The following MARCHF1 variants were observed in gnomAD, a reference collection of about 807,000 sequenced individuals.
The protein encoded by MARCHF1 is membrane associated ring-CH-type finger 1, also known as E3 ubiquitin-protein ligase MARCHF1.
MARCHF1 carries 40 observed loss-of-function variants against 54.2 expected under a neutral mutation model. That is an observed-to-expected ratio of 0.74 (90% CI 0.57 to 0.96). The LOEUF is 0.96. Among genes scored for constraint, MARCHF1 ranks in the 40% least tolerant of loss-of-function variants. The pLI is 0.00. For missense variants in MARCHF1, 586 were observed against 656.5 expected (o/e 0.89, Z 1.17); for synonymous variants, 236 against 236.3 (o/e 1.00, Z 0.01).
At chr4:163,858,419 T>C (rs536545148) in intron 3 of MARCHF1, among the ~76,000 whole-genome samples, 1 of 152,270 alleles carries the variant, frequency 6.6e-6, no homozygotes, top group South Asian at 2.1e-4. Flanking sequence ...TGTGCAGTTA[T>C]GATTAAGCTG....
chr4:163,611,338 C>T (rs1289998266), intron 7 of MARCHF1, among the ~76,000 whole-genome samples: 1 of 152,002 alleles, frequency 6.6e-6, no homozygotes, highest in Non-Finnish European at 1.5e-5. Flanking sequence ...CACTGCTGCC[C>T]TCAATGGACA....
chr4:163,623,812 G>T (rs774209073), intron 5 of MARCHF1, among the ~76,000 whole-genome samples: 2 of 151,844 alleles, frequency 1.3e-5, no homozygotes, highest in African/African-American at 2.4e-5. Flanking sequence ...TTATAATCCC[G>T]GGGTGACTTC....
intron 7 of MARCHF1, among the ~76,000 whole-genome samples, chr4:163,607,224 T>C (rs1220668583): frequency 2.0e-5 from 3 of 151,990 alleles, no homozygotes; most frequent in Non-Finnish European, 4.4e-5. Flanking sequence ...TTTTATCCCA[T>C]TAGAAAAGTA....
At chr4:164,187,912 G>A (rs1430975) in intron 1 of MARCHF1, among the ~76,000 whole-genome samples, 114,758 of 151,954 alleles carry the variant, frequency 0.76, 43,951 homozygotes, top group Non-Finnish European at 0.83. Context: ...ATCTCAAATT[G>A]GAAAATCTAG....
At chr4:164,219,819 G>A (rs1732040072) in intron 1 of MARCHF1, among the ~76,000 whole-genome samples, 2 of 151,800 alleles carry the variant, frequency 1.3e-5, no homozygotes, top group African/African-American at 4.8e-5. Flanking sequence ...TGCTACACTA[G>A]GACATTATTT....
intron 1 of MARCHF1, among the ~76,000 whole-genome samples, chr4:164,260,705 T>C (rs1015288329): frequency 6.6e-6 from 1 of 152,222 alleles, no homozygotes; most frequent in Non-Finnish European, 1.5e-5. Flanking sequence ...ACCAACTTCA[T>C]TAGACCTACA....
At chr4:164,083,832 A>C (rs561656390) in intron 2 of MARCHF1, among the ~76,000 whole-genome samples, 1 of 152,222 alleles carries the variant, frequency 6.6e-6, no homozygotes, top group East Asian at 1.9e-4. Context: ...CCAACACTAC[A>C]ATATTATACC....
chr4:164,047,650 T>C (rs1754270192), intron 2 of MARCHF1, among the ~76,000 whole-genome samples: 1 of 152,196 alleles, frequency 6.6e-6, no homozygotes, highest in Admixed American at 6.6e-5. Flanking sequence ...ATACGTTCTT[T>C]CACCACTATA....
At chr4:164,351,467 C>G (rs1578888045) in intron 1 of MARCHF1, among the ~76,000 whole-genome samples, 6 of 151,264 alleles carry the variant, frequency 4.0e-5, no homozygotes, top group Admixed American at 3.9e-4. Flanking sequence ...GACCCCCGAG[C>G]AGCCTAACTG....
chr4:163,694,188 G>A (rs1007131747), intron 5 of MARCHF1, among the ~76,000 whole-genome samples: 1 of 152,154 alleles, frequency 6.6e-6, no homozygotes, highest in African/African-American at 2.4e-5. Flanking sequence ...AGTTCATGTG[G>A]ATCTGGGTGG....
At chr4:164,007,818 T>C in intron 2 of MARCHF1, among the ~76,000 whole-genome samples, 1 of 151,922 alleles carries the variant, frequency 6.6e-6, no homozygotes, top group Non-Finnish European at 1.5e-5. Flanking sequence ...AAACTTATAA[T>C]GGATTCACTA....
chr4:164,230,571 A>T (rs1361910827), intron 1 of MARCHF1, among the ~76,000 whole-genome samples: 1 of 152,048 alleles, frequency 6.6e-6, no homozygotes, highest in African/African-American at 2.4e-5. Flanking sequence ...CTATTTTTAC[A>T]TATATAATAA....
chr4:163,757,832 A>T (rs941672869), intron 4 of MARCHF1, among the ~76,000 whole-genome samples: 14 of 152,202 alleles, frequency 9.2e-5, no homozygotes, highest in African/African-American at 3.4e-4. Flanking sequence ...TGGTTGAGTT[A>T]CGCTAAGGAC....
At chr4:164,124,994 T>A (rs761526931) in intron 1 of MARCHF1, among the ~76,000 whole-genome samples, 2 of 152,166 alleles carry the variant, frequency 1.3e-5, no homozygotes, top group Non-Finnish European at 2.9e-5. Context: ...CCATTCTCCA[T>A]GATGTGCTTA....
intron 1 of MARCHF1, among the ~76,000 whole-genome samples, chr4:164,211,329 A>ATG (rs755503839): frequency 0.31 from 27,465 of 88,628 alleles, 3,451 homozygotes; most frequent in Non-Finnish European, 0.38. Flanking sequence ...GTATGTATGT[A>ATG]TGTATATATA....
chr4:164,274,716 T>C (rs1428778227), intron 1 of MARCHF1, among the ~76,000 whole-genome samples: 1 of 124,772 alleles, frequency 8.0e-6, no homozygotes, highest in South Asian at 2.9e-4. Flanking sequence ...TCGCTCTGTC[T>C]CCCAGGCTGG....
intron 4 of MARCHF1, among the ~76,000 whole-genome samples, chr4:163,796,863 A>G (rs566320225): frequency 9.2e-5 from 14 of 152,294 alleles, no homozygotes; most frequent in Non-Finnish European, 1.8e-4. Flanking sequence ...AAATGTCCTA[A>G]GAGTGCTTTA....
intron 2 of MARCHF1, among the ~76,000 whole-genome samples, chr4:164,073,699 G>C (rs1045159142): frequency 6.6e-6 from 1 of 151,840 alleles, no homozygotes; most frequent in Admixed American, 6.6e-5. Flanking sequence ...CCAGCTAAAG[G>C]TTTTCACATC....
In MARCHF1 at chr4:164,115,870, CCACAGATATA is replaced by C. The variant is rs377144730; in HGVS notation, c.-322-4218_-322-4209del. Among the ~76,000 whole-genome samples, 188 of 151,892 alleles carry C rather than the reference CCACAGATATA, an allele frequency of 1.2e-3. 1 individual carries two copies. Among genetic ancestry groups the C allele is most frequent in the African/African-American group, 4.4e-3 (181 of 41,482 alleles). On this transcript the variant is annotated intron_variant, in intron 1 of 9. Coordinates refer to ENST00000514618, the MANE Select transcript of MARCHF1 (RefSeq NM_001394959.1). ...AAAGATTTGGAAGATGTCATAGTTC[CCACAGATATA>C]CACAGAAAGCAACACATTTCAGTAG... is the stretch of plus-strand genomic sequence containing the variant.
Sources: gnomAD v4.1 joint callset for allele counts (sites outside exome capture counted in the v4.1 genomes callset) on GRCh38, gnomAD v4.1.1 for gene constraint, MANE v1.5 for transcripts, NCBI Gene and HGNC (gene_info 2026-07-23, HGNC 2026-07-21) for gene names.